Variants in MEGF10 observed in about 807,000 individuals in gnomAD.
The protein encoded by MEGF10 is multiple EGF like domains 10, also known as multiple epidermal growth factor-like domains protein 10.
MEGF10 carries 86 observed loss-of-function variants against 147.5 expected under a neutral mutation model. The ratio of observed to expected loss-of-function variants is 0.58; its 90% CI spans 0.49 to 0.70. The LOEUF (loss-of-function observed/expected upper bound fraction) is 0.70, where lower values mean the gene tolerates loss of function less well. Among genes scored for constraint, MEGF10 ranks in the 30% least tolerant of loss-of-function variants. The probability of loss-of-function intolerance (pLI) is 0.00; values close to 1 mark genes in which losing one functional copy is unlikely to be tolerated. For synonymous variants in MEGF10, 478 were observed against 525.5 expected, an observed-to-expected ratio of 0.91 and a Z score of 1.24; for missense variants, 1,329 against 1,487.3, an observed-to-expected ratio of 0.89 and a Z score of 1.75.
chr5:127,442,988 C>G lies in MEGF10; in HGVS notation c.2363-10C>G, dbSNP rs1765811852. Reference sequence around the variant, plus strand: ...AGGTTGGAAAGCTACATTTGACTTTCCTTCTCTAGAGTGCCCTTCAGGAAC... The same window carrying G: ...AGGTTGGAAAGCTACATTTGACTTTGCTTCTCTAGAGTGCCCTTCAGGAAC... On this transcript the variant is annotated splice_polypyrimidine_tract_variant and intron_variant, in intron 18 of 24. Transcript: ENST00000503335. 2 of 1,606,970 alleles carry G rather than the reference C, an allele frequency of 1.2e-6. No homozygotes were observed. The highest frequency in any genetic ancestry group is 1.1e-5 in the South Asian group (1 of 89,534).
the MEGF10 span, among the ~76,000 whole-genome samples, chr5:127,276,428 C>T: frequency 2.0e-5 from 3 of 152,200 alleles, no homozygotes; most frequent in Admixed American, 6.5e-5. Context: ...CCTTCCTTTA[C>T]TTTTATAGCA....
At chr5:127,359,271 G>T (rs1762387506) in intron 4 of MEGF10, among the ~76,000 whole-genome samples, 1 of 150,386 alleles carries the variant, frequency 6.6e-6, no homozygotes, top group Non-Finnish European at 1.5e-5. Context: ...GGATTTGAGT[G>T]TTAGCTCAGA....
the MEGF10 span, among the ~76,000 whole-genome samples, chr5:127,247,407 GAAGAAGAAGA>G: frequency 3.1e-5 from 2 of 65,300 alleles, 1 homozygote; most frequent in Non-Finnish European, 5.9e-5. Context: ...AGAAGAAGAA[GAAGAAGAAGA>G]AGAAGAAGAA....
the MEGF10 span, among the ~76,000 whole-genome samples, chr5:127,230,239 T>C: frequency 6.6e-6 from 1 of 152,112 alleles, no homozygotes; most frequent in African/African-American, 2.4e-5. Flanking sequence ...TGGTTTTTGC[T>C]GTTCACTTTT....
chr5:127,439,132 G>C (rs1228774335), intron 17 of MEGF10, among the ~76,000 whole-genome samples: 1 of 152,186 alleles, frequency 6.6e-6, no homozygotes, highest in Non-Finnish European at 1.5e-5. Flanking sequence ...ACCATGCTTT[G>C]AGAGCCACTG....
chr5:127,327,453 A>G (rs1761082294), intron 1 of MEGF10, among the ~76,000 whole-genome samples: 1 of 152,138 alleles, frequency 6.6e-6, no homozygotes, highest in African/African-American at 2.4e-5. Flanking sequence ...TTTGTTTTCA[A>G]TTGAAATAAT....
chr5:127,442,705 G>A (rs973277820), intron 18 of MEGF10, among the ~76,000 whole-genome samples: 1 of 152,146 alleles, frequency 6.6e-6, no homozygotes, highest in African/African-American at 2.4e-5. Context: ...TGTTCCATGG[G>A]AATTCCACAG....
chr5:127,358,915 G>C (rs969747256), intron 4 of MEGF10, among the ~76,000 whole-genome samples: 1 of 152,164 alleles, frequency 6.6e-6, no homozygotes, highest in African/African-American at 2.4e-5. Flanking sequence ...GGCCAGAATA[G>C]ATAATGCCTA....
chr5:127,256,999 A>G, the MEGF10 span, among the ~76,000 whole-genome samples: 3 of 152,136 alleles, frequency 2.0e-5, no homozygotes, highest in Non-Finnish European at 4.4e-5. Context: ...ATAGGAGTAA[A>G]TGATTTGCAG....
the MEGF10 span, among the ~76,000 whole-genome samples, chr5:127,285,099 T>C: frequency 6.6e-6 from 1 of 152,196 alleles, no homozygotes; most frequent in Non-Finnish European, 1.5e-5. Flanking sequence ...CTACAGGATG[T>C]GAATAAATAT....
intron 1 of MEGF10, among the ~76,000 whole-genome samples, chr5:127,309,989 CTTT>C (rs1760202793): frequency 3.9e-5 from 3 of 77,428 alleles, no homozygotes; most frequent in African/African-American, 1.5e-4. Context: ...TTCTTTCTTT[CTTT>C]CTTTCCTTCC....
chr5:127,313,388 G>T (rs993861686), intron 1 of MEGF10, among the ~76,000 whole-genome samples: 2 of 152,082 alleles, frequency 1.3e-5, no homozygotes, highest in African/African-American at 4.8e-5. Context: ...CTCTTAACCT[G>T]ACCCATAAAG....
chr5:127,287,672 T>G (rs1759071170), upstream of MEGF10, among the ~76,000 whole-genome samples: 1 of 151,982 alleles, frequency 6.6e-6, no homozygotes. Context: ...ATCAATGGAT[T>G]CAAGGCACTC....
chr5:127,395,738 G>A (rs1013994700), intron 5 of MEGF10, among the ~76,000 whole-genome samples: 13 of 151,884 alleles, frequency 8.6e-5, no homozygotes, highest in African/African-American at 3.1e-4. Flanking sequence ...TAGAGATGGG[G>A]TTTCACCGTG....
chr5:127,334,870 T>C (rs1242964021), intron 2 of MEGF10, among the ~76,000 whole-genome samples: 1 of 152,140 alleles, frequency 6.6e-6, no homozygotes, highest in African/African-American at 2.4e-5. Context: ...ATGAAGATTA[T>C]TACCATATCT....
intron 5 of MEGF10, among the ~76,000 whole-genome samples, chr5:127,390,001 T>G (rs1461428952): frequency 6.6e-6 from 1 of 152,182 alleles, no homozygotes; most frequent in East Asian, 1.9e-4. Flanking sequence ...TTAAAAAACC[T>G]TACTGCTTGA....
intron 4 of MEGF10, among the ~76,000 whole-genome samples, chr5:127,347,354 A>G (rs1249716246): frequency 6.6e-6 from 1 of 152,102 alleles, no homozygotes; most frequent in South Asian, 2.1e-4. Flanking sequence ...TTGTACCTAA[A>G]TAAATATTGA....
intron 4 of MEGF10, among the ~76,000 whole-genome samples, chr5:127,369,515 C>T (rs560417662): frequency 1.2e-4 from 18 of 152,272 alleles, no homozygotes; most frequent in African/African-American, 4.1e-4. Flanking sequence ...TAATACTCCC[C>T]ATCTACTCTG....
rs78972914 is a variant in MEGF10 at position 127,326,393 on chromosome 5, A to G, written c.-18-4898A>G. On this transcript the variant is annotated intron_variant, in intron 1 of 24. Coordinates refer to ENST00000503335, the MANE Select transcript of MEGF10 (RefSeq NM_001256545.2). ...CTTGTACTGTTTGAAATGAATAGTC[A>G]TACCTGGATAATATGTTATTAGAAT... 5.9e-3 allele frequency among the ~76,000 whole-genome samples: 899 copies of G among 152,282 alleles called. 9 individuals are homozygous for G. Among genetic ancestry groups the G allele is most frequent in the African/African-American group, 0.021 (875 of 41,552 alleles).
Sources: gnomAD v4.1 joint callset for allele counts (sites outside exome capture counted in the v4.1 genomes callset) on GRCh38, gnomAD v4.1.1 for gene constraint, MANE v1.5 for transcripts, NCBI Gene and HGNC (gene_info 2026-07-23, HGNC 2026-07-21) for gene names.